The following DISP1 variants were observed in gnomAD, a reference collection of about 807,000 sequenced individuals.
DISP1 encodes the protein dispatched RND transporter family member 1.
A neutral mutation model predicts 37.3 loss-of-function variants in DISP1; 30 were observed. The observed-to-expected ratio is 0.80, with a 90% CI of 0.60 to 1.09. The LOEUF (loss-of-function observed/expected upper bound fraction) is 1.09. Among genes scored for constraint, DISP1 ranks in the 50% least tolerant of loss-of-function variants. The probability of loss-of-function intolerance (pLI) is 0.00; values close to 1 mark genes in which losing one functional copy is unlikely to be tolerated. For synonymous variants in DISP1, 634 were observed against 690.2 expected (o/e 0.92, Z 1.28); for missense variants, 1,598 against 1,879.5 (o/e 0.85, Z 2.77).
At chr1:222,861,217 T>C (rs1421035467) in intron 1 of DISP1, among the ~76,000 whole-genome samples, 1 of 152,198 alleles carries the variant, frequency 6.6e-6, no homozygotes, top group Admixed American at 6.5e-5. Flanking sequence ...GCCTGTAAGT[T>C]CTCTTGTCTA....
chr1:222,840,179 G>A (rs1438326144), intron 1 of DISP1, among the ~76,000 whole-genome samples: 4 of 152,128 alleles, frequency 2.6e-5, no homozygotes, highest in Admixed American at 1.3e-4. Flanking sequence ...CCATGGTAAA[G>A]TCGAACTATT....
chr1:222,904,048 C>A (rs1025131960), intron 1 of DISP1, among the ~76,000 whole-genome samples: 3 of 152,130 alleles, frequency 2.0e-5, no homozygotes, highest in Admixed American at 1.3e-4. Flanking sequence ...ATTCAAATTC[C>A]TTTTATGGAA....
At chr1:222,826,513 T>C (rs1664480048) in intron 1 of DISP1, among the ~76,000 whole-genome samples, 1 of 151,610 alleles carries the variant, frequency 6.6e-6, no homozygotes. Context: ...CCTGAGTAGC[T>C]GGGACTACAG....
intron 1 of DISP1, among the ~76,000 whole-genome samples, chr1:222,836,570 A>G (rs1667096024): frequency 6.6e-6 from 1 of 152,078 alleles, no homozygotes; most frequent in African/African-American, 2.4e-5. Flanking sequence ...GACCTTAAAC[A>G]ACTCATTTAA....
intron 2 of DISP1, among the ~76,000 whole-genome samples, chr1:222,930,784 C>G (rs1379138869): frequency 6.6e-6 from 1 of 151,960 alleles, no homozygotes; most frequent in Non-Finnish European, 1.5e-5. Flanking sequence ...AAAAGTTGCA[C>G]CCAGGCCCTT....
At chr1:222,923,335 T>C (rs1350127211) in intron 1 of DISP1, among the ~76,000 whole-genome samples, 1 of 152,174 alleles carries the variant, frequency 6.6e-6, no homozygotes, top group Non-Finnish European at 1.5e-5. Flanking sequence ...CATATGACTC[T>C]TGAGCACTTG....
intron 2 of DISP1, among the ~76,000 whole-genome samples, chr1:222,936,887 T>A (rs865816361): frequency 5.5e-5 from 2 of 36,444 alleles, no homozygotes; most frequent in Non-Finnish European, 1.2e-4. Flanking sequence ...ATGATATATA[T>A]AATATATTAT....
In DISP1 at chr1:222,991,543, A is replaced by C. The variant is rs1336332800; in HGVS notation, c.687A>C (p.Ala229=). ...AGGGTTTTGAACCAAGAGGAACAGC[A>C]ATAGGCCAGAGATTGGTCACATGGA... is the stretch of plus-strand genomic sequence containing the variant. ...PLLGFEPRGT[A]IGQRLVTWNN... The change falls in exon 6 of 9, where the codon GCA becomes GCC. Residue 229 remains alanine (A), a synonymous_variant. Coordinates refer to ENST00000675850, the MANE Select transcript of DISP1 (RefSeq NM_001377229.1). 2 of 1,613,816 alleles carry C rather than the reference A, an allele frequency of 1.2e-6. No homozygotes were observed.
chr1:222,867,815 G>T (rs1289765545), intron 1 of DISP1, among the ~76,000 whole-genome samples: 2 of 152,156 alleles, frequency 1.3e-5, no homozygotes, highest in East Asian at 3.8e-4. Flanking sequence ...TATAGGCAAT[G>T]ATCTATATTA....
At chr1:222,879,200 T>G (rs147187545) in intron 1 of DISP1, among the ~76,000 whole-genome samples, 1 of 152,288 alleles carries the variant, frequency 6.6e-6, no homozygotes, top group Non-Finnish European at 1.5e-5. Flanking sequence ...TTTAATATCT[T>G]AAGTGACAGT....
intron 1 of DISP1, among the ~76,000 whole-genome samples, chr1:222,904,880 A>G (rs1019298345): frequency 3.3e-5 from 5 of 152,156 alleles, no homozygotes; most frequent in African/African-American, 1.2e-4. Flanking sequence ...ATTTTAACTA[A>G]TAATTTCCAG....
chr1:222,940,343 T>C (rs1286694312), intron 2 of DISP1, among the ~76,000 whole-genome samples: 3 of 151,920 alleles, frequency 2.0e-5, no homozygotes, highest in Non-Finnish European at 4.4e-5. Context: ...TCACATGCTT[T>C]TAAACAACCA....
intron 1 of DISP1, among the ~76,000 whole-genome samples, chr1:222,852,461 C>T (rs1668320026): frequency 2.0e-5 from 3 of 152,006 alleles, no homozygotes; most frequent in Admixed American, 2.0e-4. Context: ...CTCACCTTGG[C>T]CTCCCAATGT....
At chr1:222,982,956 T>A in intron 3 of DISP1, 124 bp from the exon 4 acceptor site, 1 of 758,330 alleles carries the variant, frequency 1.3e-6, no homozygotes, top group Non-Finnish European at 2.2e-6. Flanking sequence ...TTTTAACACT[T>A]CCAAGATTCT....
At chr1:222,925,435 C>T (rs982067307) in intron 1 of DISP1, among the ~76,000 whole-genome samples, 4 of 151,928 alleles carry the variant, frequency 2.6e-5, no homozygotes, top group Admixed American at 2.6e-4. Context: ...GTTAAAATAC[C>T]TTCATTTTTA....
Position 223,003,581 on chromosome 1 carries a change from AACTGTAGGTGGGGCCT to A in DISP1, c.2187_2202del (p.Val730LeufsTer4). Reference sequence around the variant, plus strand: ...TTTGGCTGTTTTGGTTCCTTGCCTTAACTGTAGGTGGGGCCTACATTGTATGTATAAATCCAAAGAT... The same window carrying A: ...TTTGGCTGTTTTGGTTCCTTGCCTTAACATTGTATGTATAAATCCAAAGAT... On this transcript the variant is annotated frameshift_variant, in exon 9 of 9. Coordinates refer to ENST00000675850, the MANE Select transcript of DISP1 (RefSeq NM_001377229.1). LOFTEE classifies it low-confidence loss of function (END_TRUNC). The surrounding 1 kb of genome is among the most constrained non-coding windows in gnomAD (Gnocchi z 4.3). The A allele has an allele frequency of 6.2e-7, 1 of 1,614,208 alleles. No individual in the cohort carries two copies. Among genetic ancestry groups the A allele is most frequent in the Non-Finnish European group, 8.5e-7 (1 of 1,180,046 alleles).
intron 1 of DISP1, among the ~76,000 whole-genome samples, chr1:222,904,142 C>T (rs1204819971): frequency 6.6e-6 from 1 of 152,232 alleles, no homozygotes; most frequent in African/African-American, 2.4e-5. Context: ...AAAATATTCT[C>T]ATGTCCATTA....
Position 223,005,373 on chromosome 1 carries a change from G to A in DISP1, c.3976G>A (p.Val1326Met), listed in dbSNP as rs549797135. ...CACACACCAAGCTGTCGAGGGCTTT[G>A]TGCACCCCATCACGCACATCCACCA... ...KATHQAVEGF[V>M]HPITHIHHCP... Residue 1326 changes from valine to methionine, a missense_variant, in exon 9 of 9, where the codon GTG (valine) becomes ATG (methionine). Coordinates refer to ENST00000675850, the MANE Select transcript of DISP1 (RefSeq NM_001377229.1). The A allele has an allele frequency of 1.2e-6, 2 of 1,613,508 alleles. No homozygotes were observed. The highest frequency in any genetic ancestry group is 1.7e-6 in the Non-Finnish European group (2 of 1,180,024).
At chr1:222,955,015 C>T (rs776365550) in intron 3 of DISP1, among the ~76,000 whole-genome samples, 1 of 151,754 alleles carries the variant, frequency 6.6e-6, no homozygotes, top group Non-Finnish European at 1.5e-5. Context: ...CCAGAGAAGG[C>T]ATCACAATAC....
Sources: gnomAD v4.1 joint callset for allele counts (sites outside exome capture counted in the v4.1 genomes callset) on GRCh38, gnomAD v4.1.1 for gene constraint, Gnocchi (gnomAD v3.1) non-coding constraint, MANE v1.5 for transcripts, NCBI Gene and HGNC (gene_info 2026-07-23, HGNC 2026-07-21) for gene names.